ARHGEF3: variants seen among roughly 807,000 people sequenced by gnomAD.
ARHGEF3 encodes the protein Rho guanine nucleotide exchange factor 3.
Under a neutral mutation model 63.2 loss-of-function variants are expected in ARHGEF3, and 28 were observed. That is an observed-to-expected ratio of 0.44 (90% CI 0.33 to 0.61). The LOEUF (loss-of-function observed/expected upper bound fraction) is 0.61. Among genes scored for constraint, ARHGEF3 ranks in the 20% least tolerant of loss-of-function variants. The pLI is 0.03. For missense variants in ARHGEF3, 533 were observed against 659.3 expected, an observed-to-expected ratio of 0.81 and a Z score of 2.10; for synonymous variants, 266 against 254.2, an observed-to-expected ratio of 1.05 and a Z score of -0.44.
At chr3:57,062,394 T>C (rs1016773721) in intron 1 of ARHGEF3, among the ~76,000 whole-genome samples, 11 of 152,232 alleles carry the variant, frequency 7.2e-5, no homozygotes, top group African/African-American at 2.6e-4. Flanking sequence ...GGAACCATGA[T>C]AGGCCCAGCC....
intron 1 of ARHGEF3, among the ~76,000 whole-genome samples, chr3:57,054,769 G>A (rs1704839473): frequency 6.6e-6 from 1 of 150,706 alleles, no homozygotes; most frequent in Non-Finnish European, 1.5e-5. Context: ...TCCTGCCTTA[G>A]CCTCCCGAGT....
intron 4 of ARHGEF3, among the ~76,000 whole-genome samples, chr3:56,823,962 A>G (rs569845491): frequency 3.5e-5 from 5 of 143,842 alleles, no homozygotes; most frequent in African/African-American, 1.0e-4. Context: ...AAAACTAAAC[A>G]AAGAGAAAAG....
intron 2 of ARHGEF3, among the ~76,000 whole-genome samples, chr3:56,977,005 C>T (rs781693308): frequency 1.1e-4 from 16 of 151,918 alleles, no homozygotes; most frequent in East Asian, 3.9e-4. Context: ...TACTACTATT[C>T]GTACTGTGCT....
chr3:57,012,440 G>A (rs1036525875), intron 2 of ARHGEF3, among the ~76,000 whole-genome samples: 3 of 152,090 alleles, frequency 2.0e-5, no homozygotes, highest in Admixed American at 2.0e-4. Flanking sequence ...TGTATTTTTA[G>A]TAGCGACGGG....
chr3:56,989,744 G>A (rs1701677158), intron 2 of ARHGEF3, among the ~76,000 whole-genome samples: 1 of 152,170 alleles, frequency 6.6e-6, no homozygotes, highest in Non-Finnish European at 1.5e-5. Flanking sequence ...GAACAACCCT[G>A]ACTTCATCAG....
chr3:56,970,515 A>G (rs1282257440), intron 2 of ARHGEF3, among the ~76,000 whole-genome samples: 2 of 152,082 alleles, frequency 1.3e-5, no homozygotes, highest in Non-Finnish European at 2.9e-5. Context: ...TACTTGAGTC[A>G]CTCAACGATG....
Position 56,970,454 on chromosome 3 carries a change from T to C in ARHGEF3, c.63-11565A>G, listed in dbSNP as rs60406503. Among the ~76,000 whole-genome samples, 921 of 152,284 alleles carry C rather than the reference T, an allele frequency of 6.0e-3. 62 individuals are homozygous for C. In the East Asian group the frequency reaches 0.14, roughly 23 times the overall value. ...GAAGCGGCTTAGTGGTGGAGTTTTA[T>C]CAGTACTTGTGAGAAATCAGTCCTA... is the stretch of plus-strand genomic sequence containing the variant. On this transcript the variant is annotated intron_variant, in intron 2 of 12. Coordinates refer to the ARHGEF3 transcript ENST00000338458.
chr3:56,969,447 C>T (rs1700809345), intron 2 of ARHGEF3, among the ~76,000 whole-genome samples: 1 of 152,032 alleles, frequency 6.6e-6, no homozygotes, highest in Admixed American at 6.6e-5. Context: ...GTGTCTGGCA[C>T]ATGGCTGGTA....
chr3:57,039,164 C>T (rs1409980200), intron 1 of ARHGEF3, among the ~76,000 whole-genome samples: 3 of 152,236 alleles, frequency 2.0e-5, no homozygotes, highest in African/African-American at 4.8e-5. Context: ...ACCACTCCCT[C>T]GTTCCTCTCC....
intron 6 of ARHGEF3, among the ~76,000 whole-genome samples, chr3:56,746,155 G>A (rs2034372237): frequency 6.6e-6 from 1 of 152,200 alleles, no homozygotes; most frequent in African/African-American, 2.4e-5. Context: ...AGAGCTATCA[G>A]CCTCCAGAAA....
chr3:56,872,634 C>A (rs868053584), intron 4 of ARHGEF3, among the ~76,000 whole-genome samples: 2 of 151,930 alleles, frequency 1.3e-5, no homozygotes, highest in South Asian at 4.2e-4. Flanking sequence ...CTCAGCCTCC[C>A]GAGTATCTGG....
rs545276144 is a variant in ARHGEF3, at chr3:56,824,547, G to A, written c.193-50731C>T. Among the ~76,000 whole-genome samples the A allele has an allele frequency of 3.9e-5, 6 of 152,282 alleles. No individual in the cohort carries two copies. In the East Asian group the frequency reaches 1.2e-3, roughly 29 times the overall value. On this transcript the variant is annotated intron_variant, in intron 4 of 12. Transcript: ENST00000338458. ...TACTTCTTTGAGGTCAGAGTGACAGGATTATGATTCAAACCCAAATTTGCT... is the reference window on the plus strand; with the variant it reads ...TACTTCTTTGAGGTCAGAGTGACAGAATTATGATTCAAACCCAAATTTGCT...
intron 2 of ARHGEF3, among the ~76,000 whole-genome samples, chr3:57,020,810 T>A (rs537244153): frequency 6.6e-6 from 1 of 152,346 alleles, no homozygotes; most frequent in Admixed American, 6.5e-5. Context: ...ACATTCCCTA[T>A]GGAGCTTGAT....
In ARHGEF3 at chr3:56,943,774, G is replaced by A. The variant is rs138326941; in HGVS notation, c.129+15049C>T. Among the ~76,000 whole-genome samples, 273 of 152,196 alleles carry A rather than the reference G, an allele frequency of 1.8e-3. 3 individuals are homozygous for A. The highest frequency in any genetic ancestry group is 6.3e-3 in the African/African-American group (261 of 41,520). ...TACTAAAAATACAAACATTAGCCAG[G>A]TGTGGTGGTGGGTGCCTGTAATCCC... On this transcript the variant is annotated intron_variant, in intron 3 of 12. Transcript: ENST00000338458.
At chr3:57,016,055 AG>A (rs1160347608) in intron 2 of ARHGEF3, among the ~76,000 whole-genome samples, 1 of 152,172 alleles carries the variant, frequency 6.6e-6, no homozygotes, top group Non-Finnish European at 1.5e-5. Flanking sequence ...ACAGGACCCT[AG>A]TGGCACTCAC....
At chr3:56,800,472 A>T (rs764258091) in intron 1 of ARHGEF3, among the ~76,000 whole-genome samples, 1 of 152,162 alleles carries the variant, frequency 6.6e-6, no homozygotes, top group Non-Finnish European at 1.5e-5. Flanking sequence ...GGTTTGAGTG[A>T]GGGAGAAGTT....
intron 4 of ARHGEF3, among the ~76,000 whole-genome samples, chr3:56,854,359 C>G (rs1490750153): frequency 1.3e-5 from 2 of 152,164 alleles, no homozygotes; most frequent in East Asian, 3.8e-4. Flanking sequence ...GAGAAAGACA[C>G]AAGCATGCAG....
At chr3:56,967,949 T>TAA in intron 2 of ARHGEF3, among the ~76,000 whole-genome samples, 1 of 67,678 alleles carries the variant, frequency 1.5e-5, no homozygotes, top group South Asian at 4.6e-4. Context: ...ATATTATATA[T>TAA]TATATATATA....
At chr3:56,765,400 G>C (rs1204313168) in intron 2 of ARHGEF3, among the ~76,000 whole-genome samples, 2 of 152,044 alleles carry the variant, frequency 1.3e-5, no homozygotes, top group African/African-American at 4.8e-5. Context: ...AAGACAGTCT[G>C]GTTTCTGGTT....
Sources: allele counts gnomAD v4.1 joint callset (sites outside exome capture counted in the v4.1 genomes callset), GRCh38; gene constraint gnomAD v4.1.1; transcripts MANE v1.5; gene names NCBI Gene and HGNC (gene_info 2026-07-23, HGNC 2026-07-21).